Variants in C1QTNF3 observed in about 807,000 individuals in gnomAD.
C1QTNF3 encodes C1q and TNF related 3.
Under a neutral mutation model 32.6 loss-of-function variants are expected in C1QTNF3, and 26 were observed. That is an observed-to-expected ratio of 0.80 (90% CI 0.58 to 1.11). The LOEUF (loss-of-function observed/expected upper bound fraction) is 1.11, where lower values mean the gene tolerates loss of function less well. Ranked by LOEUF, C1QTNF3 falls within the 50% of genes least tolerant of loss-of-function variation. The pLI is 0.00. For missense variants in C1QTNF3, 362 were observed against 398.2 expected (o/e 0.91, Z 0.77); for synonymous variants, 155 against 146.0 (o/e 1.06, Z -0.44).
At chr5:34,120,145 G>A in the C1QTNF3 span, among the ~76,000 whole-genome samples, 4 of 152,078 alleles carry the variant, frequency 2.6e-5, no homozygotes, top group Non-Finnish European at 4.4e-5. Flanking sequence ...TTGGTCTAAT[G>A]GTCCAGATTT....
the C1QTNF3 span, among the ~76,000 whole-genome samples, chr5:34,108,310 A>G: frequency 6.6e-6 from 1 of 152,098 alleles, no homozygotes; most frequent in Non-Finnish European, 1.5e-5. Context: ...GTATTCTTCT[A>G]TACACATAGA....
the C1QTNF3 span, among the ~76,000 whole-genome samples, chr5:34,181,247 G>T: frequency 2.0e-5 from 3 of 152,322 alleles, no homozygotes; most frequent in Admixed American, 2.0e-4. Flanking sequence ...TCTCAGATGG[G>T]AAGCTTCAAA....
the C1QTNF3 span, among the ~76,000 whole-genome samples, chr5:34,075,814 G>A: frequency 4.0e-5 from 6 of 151,266 alleles, no homozygotes; most frequent in South Asian, 1.0e-3. Flanking sequence ...CATTGTTTAC[G>A]ATAGCCAAAA....
chr5:34,212,708 C>T, the C1QTNF3 span, among the ~76,000 whole-genome samples: 7 of 149,790 alleles, frequency 4.7e-5, no homozygotes, highest in African/African-American at 1.5e-4. Context: ...CAATGAGATA[C>T]CATCTCACAC....
chr5:34,228,754 T>G, the C1QTNF3 span, among the ~76,000 whole-genome samples: 1 of 152,044 alleles, frequency 6.6e-6, no homozygotes, highest in African/African-American at 2.4e-5. Context: ...TGAGTTTTCA[T>G]TTTCCTAGTT....
At chr5:34,137,760 A>G in the C1QTNF3 span, among the ~76,000 whole-genome samples, 1 of 152,200 alleles carries the variant, frequency 6.6e-6, no homozygotes, top group Non-Finnish European at 1.5e-5. Flanking sequence ...TTGTATAAAC[A>G]TAGTACTGTT....
At chr5:34,059,025 A>G in the C1QTNF3 span, among the ~76,000 whole-genome samples, 1 of 152,238 alleles carries the variant, frequency 6.6e-6, no homozygotes, top group Admixed American at 6.5e-5. Context: ...TGCGTGCAGG[A>G]GAGCAGATGC....
chr5:34,216,498 T>C, the C1QTNF3 span, among the ~76,000 whole-genome samples: 1,761 of 152,304 alleles, frequency 0.012, 18 homozygotes, highest in South Asian at 0.049. Context: ...TTTGTACCGA[T>C]ATTTTCCCTG....
chr5:34,216,658 T>C, the C1QTNF3 span, among the ~76,000 whole-genome samples: 6 of 152,202 alleles, frequency 3.9e-5, no homozygotes, highest in South Asian at 1.2e-3. Context: ...TTTCAATAAC[T>C]ATGTTGAAGA....
At chr5:34,138,497 G>GTT in the C1QTNF3 span, among the ~76,000 whole-genome samples, 10 of 150,706 alleles carry the variant, frequency 6.6e-5, no homozygotes, top group African/African-American at 2.4e-4. Context: ...TTGAGTATTT[G>GTT]TTTTTTTTTA....
At chr5:34,068,230 A>C in the C1QTNF3 span, among the ~76,000 whole-genome samples, 3 of 152,148 alleles carry the variant, frequency 2.0e-5, no homozygotes, top group East Asian at 5.8e-4. Context: ...AACAAAATTG[A>C]ATTCCTAGTG....
the C1QTNF3 span, among the ~76,000 whole-genome samples, chr5:34,216,600 A>G: frequency 6.6e-6 from 1 of 152,196 alleles, no homozygotes; most frequent in African/African-American, 2.4e-5. Flanking sequence ...TAACAAATCA[A>G]AGAAGTGGTT....
chr5:34,074,020 T>C, the C1QTNF3 span, among the ~76,000 whole-genome samples: 1 of 152,162 alleles, frequency 6.6e-6, no homozygotes, highest in Non-Finnish European at 1.5e-5. Flanking sequence ...ACAATAGTGA[T>C]TGTCAAACAT....
chr5:34,098,473 G>A, the C1QTNF3 span, among the ~76,000 whole-genome samples: 1 of 152,168 alleles, frequency 6.6e-6, no homozygotes, highest in Non-Finnish European at 1.5e-5. Context: ...CTGGGCCTGC[G>A]GAGGAAACAG....
intron 5 of C1QTNF3, among the ~76,000 whole-genome samples, chr5:34,021,853 G>C (rs920110264): frequency 6.6e-6 from 1 of 152,168 alleles, no homozygotes; most frequent in African/African-American, 2.4e-5. Flanking sequence ...GATAGGTGCA[G>C]CAAACCACCA....
the C1QTNF3 span, among the ~76,000 whole-genome samples, chr5:34,125,082 T>C: frequency 1.3e-5 from 2 of 152,072 alleles, no homozygotes; most frequent in East Asian, 1.9e-4. Flanking sequence ...TTCTCTACCT[T>C]TGAGTCATTT....
intron 2 of C1QTNF3, 38 bp downstream of exon 2, chr5:34,035,609 C>A (rs371714521): frequency 1.3e-5 from 18 of 1,438,220 alleles, no homozygotes; most frequent in Non-Finnish European, 1.5e-5. Context: ...TTAGCTCAGG[C>A]TGCAATTAGA....
chr5:34,032,457 T>C (rs577650499), intron 3 of C1QTNF3, among the ~76,000 whole-genome samples: 2 of 152,354 alleles, frequency 1.3e-5, no homozygotes, highest in South Asian at 2.1e-4. Flanking sequence ...ACTGAAATTC[T>C]CCATTGATAA....
At chr5:34,107,346 TTATGA>T in the C1QTNF3 span, among the ~76,000 whole-genome samples, 1 of 148,470 alleles carries the variant, frequency 6.7e-6, no homozygotes, top group Non-Finnish European at 1.5e-5. Flanking sequence ...CTTCTACCTC[TTATGA>T]TATAGCATGT....
Sources: gnomAD v4.1 joint callset for allele counts (sites outside exome capture counted in the v4.1 genomes callset) on GRCh38, gnomAD v4.1.1 for gene constraint, MANE v1.5 for transcripts, NCBI Gene and HGNC (gene_info 2026-07-23, HGNC 2026-07-21) for gene names.